The following SSH1 variants were observed in gnomAD, a reference collection of about 807,000 sequenced individuals.
SSH1 encodes protein phosphatase Slingshot homolog 1.
SSH1 carries 43 observed loss-of-function variants against 79.7 expected under a neutral mutation model. That is an observed-to-expected ratio of 0.54 (90% CI 0.42 to 0.70). SSH1 has a LOEUF of 0.70. Ranked by LOEUF, SSH1 falls within the 30% of genes least tolerant of loss-of-function variation. SSH1 has a pLI of 0.00. For synonymous variants in SSH1, 599 were observed against 538.3 expected (o/e 1.11, Z -1.56); for missense variants, 1,206 against 1,358.8 (o/e 0.89, Z 1.77).
chr12:108,798,970 G>A (rs771533185), intron 13 of SSH1, 30 bp downstream of exon 13: 128 of 1,607,818 alleles, frequency 8.0e-5, no homozygotes, highest in Non-Finnish European at 1.1e-4. Context: ...AGCTCCGCCT[G>A]CCAACCCTTC....
Position 108,788,277 on chromosome 12 carries a change from C to T in SSH1, c.2861G>A (p.Arg954Gln), listed in dbSNP as rs1405066167. ...GAGCCGGGTCTCAATCTCCTGTGTC[C>T]GCTGCTTCACCAGCCCGGGCTTCCC... The part of the protein sequence containing the change: ...VRGKPGLVKQ[R>Q]TQEIETRLRL... The change falls in exon 15 of 15, where the codon CGG becomes CAG. Residue 954 changes from arginine (R) to glutamine (Q), a missense_variant. Arg to Gln is a conservative substitution (Grantham distance 43, BLOSUM62 1). Transcript: ENST00000326495. 54 of 1,613,596 alleles carry T rather than the reference C, an allele frequency of 3.3e-5. No homozygotes were observed. The highest frequency in any genetic ancestry group is 4.1e-5 in the Non-Finnish European group (48 of 1,180,004).
At position 108,802,482 on chromosome 12, in the gene SSH1, T is replaced by C. The variant is rs77833192; in HGVS notation, c.955-114A>G. 928 of 908,798 alleles carry C rather than the reference T, an allele frequency of 1.0e-3. 6 individuals carry two copies. The African/African-American group carries it at 0.013, about 12-fold the overall frequency. The allele number at this position is 908,798 out of a possible 1,614,324, so 56.3% of individuals were successfully genotyped here. A position where few individuals can be genotyped will look rare whatever the true frequency, so the allele number is the denominator to read the frequency against. Reference sequence around the variant, plus strand: ...GGTGAGGTCTTATTTCATGGCCCCATTGGCCTCAGAGAACAGAGAGAACCA... The same window carrying C: ...GGTGAGGTCTTATTTCATGGCCCCACTGGCCTCAGAGAACAGAGAGAACCA... On this transcript the variant is annotated intron_variant, in intron 10 of 14. Transcript: ENST00000326495.
chr12:108,848,219 G>A (rs949257271), intron 2 of SSH1, among the ~76,000 whole-genome samples: 1 of 152,188 alleles, frequency 6.6e-6, no homozygotes, highest in African/African-American at 2.4e-5. Context: ...CAGAAGAGAT[G>A]TGAGGACCTG....
At chr12:108,803,318 T>C (rs371246102) in intron 10 of SSH1, among the ~76,000 whole-genome samples, 3 of 151,762 alleles carry the variant, frequency 2.0e-5, no homozygotes, top group South Asian at 4.2e-4. Flanking sequence ...AATGGTATCA[T>C]TGAAAAACCT....
chr12:108,849,136 C>G (rs530339318), intron 2 of SSH1, among the ~76,000 whole-genome samples: 1 of 152,146 alleles, frequency 6.6e-6, no homozygotes, highest in African/African-American at 2.4e-5. Flanking sequence ...AGCCACCAAC[C>G]GGGAAAACCC....
At chr12:108,795,186 G>A (rs978174801) in intron 13 of SSH1, among the ~76,000 whole-genome samples, 4 of 152,102 alleles carry the variant, frequency 2.6e-5, no homozygotes, top group Non-Finnish European at 5.9e-5. Flanking sequence ...GACTTGCCTC[G>A]GTCATTTGGC....
chr12:108,819,045 C>G (rs1010185790), intron 3 of SSH1, among the ~76,000 whole-genome samples: 14 of 152,260 alleles, frequency 9.2e-5, no homozygotes, highest in African/African-American at 3.4e-4. Flanking sequence ...TAAGCTACCC[C>G]ACCCAGGCCC....
chr12:108,816,798 G>C (rs2037908703), intron 5 of SSH1, among the ~76,000 whole-genome samples: 1 of 127,226 alleles, frequency 7.9e-6, no homozygotes, highest in South Asian at 2.7e-4. Flanking sequence ...TAAGCAAACA[G>C]CATAACTTTC....
intron 13 of SSH1, 111 bp from the exon 14 acceptor site, chr12:108,792,940 G>A: frequency 7.7e-7 from 1 of 1,299,078 alleles, no homozygotes; most frequent in East Asian, 2.4e-5. Context: ...GGGCGCCAGG[G>A]ACGATCCATG....
chr12:108,853,752 T>C (rs2039090982), intron 1 of SSH1, among the ~76,000 whole-genome samples: 1 of 152,016 alleles, frequency 6.6e-6, no homozygotes, highest in Non-Finnish European at 1.5e-5. Context: ...GGTGACACGC[T>C]GTCTCTACTA....
Position 108,807,502 on chromosome 12 carries a change from T to C in SSH1, c.731+131A>G. On this transcript the variant is annotated intron_variant, in intron 8 of 14. Transcript: ENST00000326495. This position sits in a 1 kb window ranked among gnomAD's most constrained non-coding sequence, Gnocchi z 5.2. Reference sequence around the variant, plus strand: ...CTTTAAACGCTGGTTCTGAGAAAGCTAGGGTTCTCACTCAAGGGACTCCAG... The same window carrying C: ...CTTTAAACGCTGGTTCTGAGAAAGCCAGGGTTCTCACTCAAGGGACTCCAG... The C allele has an allele frequency of 1.3e-6, 1 of 789,194 alleles. No individual in the cohort carries two copies. Among genetic ancestry groups the C allele is most frequent in the South Asian group, 1.6e-5 (1 of 62,768 alleles). 48.9% of individuals were successfully genotyped at this position (789,194 alleles called of 1,614,324 possible).
intron 1 of SSH1, among the ~76,000 whole-genome samples, chr12:108,856,110 T>C (rs765045254): frequency 1.3e-5 from 2 of 152,232 alleles, no homozygotes; most frequent in Non-Finnish European, 2.9e-5. Flanking sequence ...TTCCTGGGCC[T>C]GGGACCGCAG....
rs564061108 is a variant in SSH1 at position 108,852,389 on chromosome 12, C to T, written c.110+249G>A. 3.4e-4 allele frequency among the ~76,000 whole-genome samples: 52 copies of T among 152,000 alleles called. 1 individual carries two copies. Among genetic ancestry groups the T allele is most frequent in the African/African-American group, 1.2e-3 (50 of 41,448 alleles). ...GACTACAAGCACACACTACCACGCCCGGTTAATTTTTTCTGTTTTTTTAGT... is the reference window on the plus strand; with the variant it reads ...GACTACAAGCACACACTACCACGCCTGGTTAATTTTTTCTGTTTTTTTAGT... On this transcript the variant is annotated intron_variant, in intron 2 of 14. Coordinates refer to ENST00000326495, the MANE Select transcript of SSH1 (RefSeq NM_018984.4).
intron 2 of SSH1, among the ~76,000 whole-genome samples, chr12:108,836,014 T>TATATTAATATAATCGATTATATAA (rs2038613744): frequency 1.5e-5 from 1 of 66,038 alleles, no homozygotes; most frequent in African/African-American, 6.0e-5. Context: ...CGATTATAAC[T>TATATTAATATAATCGATTATATAA]ATATTAATAT....
rs753200021 is a variant in SSH1, at chr12:108,811,314, A to G, written c.416T>C (p.Ile139Thr). 3.7e-6 allele frequency: 6 copies of G among 1,614,060 alleles called. No homozygotes were observed. The highest frequency in any genetic ancestry group is 5.1e-6 in the Non-Finnish European group (6 of 1,180,022). ...FSSKESKSCTIGMVLRLWSDT... is the reference protein window; with the variant it reads ...FSSKESKSCTTGMVLRLWSDT... ...GCTCCACAGTCGGAGAACCATCCCAATGGTGCAGCTTTTACTGCGATGGGG... is the reference window on the plus strand; with the variant it reads ...GCTCCACAGTCGGAGAACCATCCCAGTGGTGCAGCTTTTACTGCGATGGGG... Residue 139 changes from isoleucine (I) to threonine (T), a missense_variant, in exon 6 of 15, where the codon ATT (isoleucine) becomes ACT (threonine). By Grantham distance (89) the Ile-to-Thr change is moderately conservative. Coordinates refer to ENST00000326495, the MANE Select transcript of SSH1 (RefSeq NM_018984.4).
intron 7 of SSH1, among the ~76,000 whole-genome samples, chr12:108,809,365 G>A (rs1447691459): frequency 5.3e-5 from 8 of 151,066 alleles, no homozygotes; most frequent in Non-Finnish European, 7.4e-5. Flanking sequence ...GCTGAGGCAG[G>A]AGGATCACCT....
chr12:108,785,810 C>T lies in SSH1; in HGVS notation c.*2178G>A, dbSNP rs1310043050. On this transcript the variant is annotated 3_prime_UTR_variant, in exon 15 of 15. Transcript: ENST00000326495. Reference sequence around the variant, plus strand: ...CTAAATTTAAAAGATTATTTTGACACAAAAATTGATCTACCACATGAAATT... The same window carrying T: ...CTAAATTTAAAAGATTATTTTGACATAAAAATTGATCTACCACATGAAATT... 6.6e-6 allele frequency: 1 copy of T among 152,126 alleles called. No individual in the cohort carries two copies. The highest frequency in any genetic ancestry group is 1.5e-5 in the Non-Finnish European group (1 of 68,030). The allele number at this position is 152,126 out of a possible 1,614,324, so 9.4% of individuals were successfully genotyped here.
chr12:108,790,263 G>A (rs1203630168), intron 14 of SSH1, among the ~76,000 whole-genome samples: 1 of 151,774 alleles, frequency 6.6e-6, no homozygotes, highest in Non-Finnish European at 1.5e-5. Flanking sequence ...CAATTCTCCT[G>A]CCTCAGCCTC....
intron 2 of SSH1, among the ~76,000 whole-genome samples, chr12:108,829,863 A>G (rs1327988601): frequency 6.6e-6 from 1 of 152,178 alleles, no homozygotes; most frequent in Non-Finnish European, 1.5e-5. Flanking sequence ...GCACTTTGGG[A>G]GGTCAAAGTG....
Sources: gnomAD v4.1 joint callset for allele counts (sites outside exome capture counted in the v4.1 genomes callset) on GRCh38, gnomAD v4.1.1 for gene constraint, Gnocchi (gnomAD v3.1) non-coding constraint, MANE v1.5 for transcripts, NCBI Gene and HGNC (gene_info 2026-07-23, HGNC 2026-07-21) for gene names.